IL21R: variants seen among roughly 807,000 people sequenced by gnomAD.
IL21R encodes interleukin 21 receptor.
A neutral mutation model predicts 41.3 loss-of-function variants in IL21R; 14 were observed. That is an observed-to-expected ratio of 0.34 (90% CI 0.22 to 0.53). The LOEUF is 0.53. IL21R is among the 20% of genes least tolerant of loss of function. The pLI is 0.94. For missense variants in IL21R, 588 were observed against 681.6 expected (o/e 0.86, Z 1.53); for synonymous variants, 286 against 287.6 (o/e 0.99, Z 0.05).
In IL21R at chr16:27,437,657, G is replaced by C; in HGVS notation, c.322G>C (p.Glu108Gln). The C allele has an allele frequency of 6.2e-7, 1 of 1,614,168 alleles. No homozygotes were observed. The highest frequency in any genetic ancestry group is 8.5e-7 in the Non-Finnish European group (1 of 1,180,020). Residue 108 changes from glutamate (E) to glutamine (Q), a missense_variant, in exon 4 of 9, where the codon GAG becomes CAG. Coordinates refer to ENST00000337929, the MANE Select transcript of IL21R (RefSeq NM_181078.3). ...AGACCAGTCTGGCAACTACTCCCAGGAGTGTGGCAGCTTTCTCCTGGCTGA... is the reference window on the plus strand; with the variant it reads ...AGACCAGTCTGGCAACTACTCCCAGCAGTGTGGCAGCTTTCTCCTGGCTGA... ...ITDQSGNYSQ[E>Q]CGSFLLAESI... is the part of the protein sequence containing the mutation.
chr16:27,413,637 C>T (rs2086852871), intron 1 of IL21R, among the ~76,000 whole-genome samples: 1 of 144,478 alleles, frequency 6.9e-6, no homozygotes, highest in Non-Finnish European at 1.5e-5. Flanking sequence ...TAGTTTAGGT[C>T]TGCTTAGATT....
chr16:27,435,238 A>C (rs1390898053), intron 3 of IL21R, among the ~76,000 whole-genome samples: 1 of 151,956 alleles, frequency 6.6e-6, no homozygotes, highest in Non-Finnish European at 1.5e-5. Flanking sequence ...CTGGGCAAAA[A>C]AGCAAGATCC....
At chr16:27,437,781 G>T (rs2087299823) in intron 4 of IL21R, 94 bp downstream of exon 4, 3 of 981,416 alleles carry the variant, frequency 3.1e-6, no homozygotes, top group African/African-American at 1.6e-5. Flanking sequence ...TCCCACCTCA[G>T]CCTCCCGTGT....
Position 27,434,447 on chromosome 16 carries a change from C to A in IL21R, c.150C>A (p.Thr50=). 6.2e-7 allele frequency: 1 copy of A among 1,606,808 alleles called. No individual in the cohort carries two copies. The highest frequency in any genetic ancestry group is 8.5e-7 in the Non-Finnish European group (1 of 1,173,576). ...TCCACCCCAGCACGCTCACCCTTAC[C>A]TGGTAAGTAGCCGGGCCTCACCAGT... ...WNLHPSTLTL[T]WQDQYEELKD... Residue 50 remains threonine (T), a splice_region_variant and synonymous_variant, in exon 3 of 9, where the codon ACC becomes ACA. Coordinates refer to ENST00000337929, the MANE Select transcript of IL21R (RefSeq NM_181078.3).
chr16:27,403,026 C>G (rs2086683688), intron 1 of IL21R: 1 of 442,462 alleles, frequency 2.3e-6, no homozygotes, highest in Admixed American at 2.5e-5. Context: ...TATGTCTTAC[C>G]ACCTTGATTC....
intron 1 of IL21R, among the ~76,000 whole-genome samples, chr16:27,420,471 A>G (rs2086981706): frequency 6.6e-6 from 1 of 152,152 alleles, no homozygotes; most frequent in South Asian, 2.1e-4. Flanking sequence ...CCCCTCATTC[A>G]CACTTGTGAT....
chr16:27,437,540 A>G lies in IL21R; in HGVS notation c.205A>G (p.Arg69Gly). ...KDEATSCSLH[R>G]SAHNATHATY... ...CGAGGCCACCTCCTGCAGCCTCCAC[A>G]GGTCGGCCCACAATGCCACGCATGC... Residue 69 changes from arginine (R) to glycine (G), a missense_variant, in exon 4 of 9, where the codon AGG (arginine) becomes GGG (glycine). Coordinates refer to ENST00000337929, the MANE Select transcript of IL21R (RefSeq NM_181078.3). The G allele has an allele frequency of 6.2e-7, 1 of 1,614,190 alleles. No homozygotes were observed.
chr16:27,435,707 G>A (rs1340801140), intron 3 of IL21R, among the ~76,000 whole-genome samples: 1 of 151,972 alleles, frequency 6.6e-6, no homozygotes. Flanking sequence ...GCCCACCTCA[G>A]CCTCCCAAAG....
In IL21R at chr16:27,432,338, T is replaced by A. The variant is rs3093312; in HGVS notation, c.50-2009T>A. ...GGAGGAGAAGCAGTTTTGAGTCACATGTTTGCAGTCACAGAGCTACTTTGT... is the reference window on the plus strand; with the variant it reads ...GGAGGAGAAGCAGTTTTGAGTCACAAGTTTGCAGTCACAGAGCTACTTTGT... On this transcript the variant is annotated intron_variant, in intron 2 of 8. Transcript: ENST00000337929. Among the ~76,000 whole-genome samples, 339 of 152,314 alleles carry A rather than the reference T, an allele frequency of 2.2e-3. 1 individual carries two copies. Among genetic ancestry groups the A allele is most frequent in the African/African-American group, 7.7e-3 (321 of 41,570 alleles).
Position 27,450,517 on chromosome 16 carries a change from C to T in IL21R, c.*1234C>T, listed in dbSNP as rs1468010850. On this transcript the variant is annotated 3_prime_UTR_variant, in exon 9 of 9. Coordinates refer to ENST00000337929, the MANE Select transcript of IL21R (RefSeq NM_181078.3). ...GTCAAGTTGTTTGTCAATGATTTGT[C>T]AGAGAACCTGTTGAAATGTGAATTA... The T allele has an allele frequency of 1.3e-5, 3 of 226,662 alleles. No individual in the cohort carries two copies. The highest frequency in any genetic ancestry group is 2.6e-5 in the Non-Finnish European group (3 of 114,016). The allele number at this position is 226,662 out of a possible 1,614,324, so 14.0% of individuals were successfully genotyped here.
chr16:27,418,138 C>T (rs1245084497), intron 1 of IL21R, among the ~76,000 whole-genome samples: 3 of 151,488 alleles, frequency 2.0e-5, no homozygotes, highest in Non-Finnish European at 4.4e-5. Flanking sequence ...GGCGTGATCT[C>T]GGCTCACTGC....
Position 27,448,920 on chromosome 16 carries a change from C to G in IL21R, c.1254C>G (p.Leu418=). 1 of 1,612,538 alleles carries G rather than the reference C, an allele frequency of 6.2e-7. No homozygotes were observed. The highest frequency in any genetic ancestry group is 8.5e-7 in the Non-Finnish European group (1 of 1,179,472). Residue 418 remains leucine, a synonymous_variant, in exon 9 of 9, where the codon CTC becomes CTG. Transcript: ENST00000337929. ...LEPSPGLEDP[L]LDAGTTVLSC... ...CCAGCCCAGGCCTAGAGGACCCACT[C>G]TTGGATGCAGGGACCACAGTCCTGT... is the stretch of plus-strand genomic sequence containing the variant.
At chr16:27,423,832 T>C (rs1477514445) in intron 1 of IL21R, among the ~76,000 whole-genome samples, 1 of 152,252 alleles carries the variant, frequency 6.6e-6, no homozygotes, top group Non-Finnish European at 1.5e-5. Flanking sequence ...AAGAATTTCT[T>C]TACCAGTTTA....
At chr16:27,441,325 T>A (rs1567370536) in intron 4 of IL21R, among the ~76,000 whole-genome samples, 1 of 152,228 alleles carries the variant, frequency 6.6e-6, no homozygotes, top group Non-Finnish European at 1.5e-5. Flanking sequence ...CTTAACATAT[T>A]GTGTTCTGCT....
At chr16:27,427,210 G>A (rs1392490633) in intron 1 of IL21R, 4 of 833,384 alleles carry the variant, frequency 4.8e-6, no homozygotes, top group Admixed American at 6.2e-5. Flanking sequence ...GCCTGGGTCA[G>A]GAGCCCACTT....
At chr16:27,425,811 C>A (rs1451978333) in intron 1 of IL21R, among the ~76,000 whole-genome samples, 1 of 152,200 alleles carries the variant, frequency 6.6e-6, no homozygotes, top group Non-Finnish European at 1.5e-5. Flanking sequence ...CCACCTCGGC[C>A]TCCCAAAGTG....
At position 27,444,547 on chromosome 16, in the gene IL21R, G is replaced by A. The variant is rs752443447; in HGVS notation, c.513G>A (p.Pro171=). The change falls in exon 6 of 9, where the codon CCG becomes CCA. Residue 171 remains proline, a synonymous_variant. Transcript: ENST00000337929. The stretch of plus-strand genomic sequence containing the variant: ...TCCTTTCCTTGTACTGGCAGAGTCC[G>A]AGGAGAAAGCTGATCTCAGTGGACT... ...RNRGDPWAVS[P]RRKLISVDSR... 1.7e-5 allele frequency: 25 copies of A among 1,506,172 alleles called. No homozygotes were observed. The East Asian group carries it at 3.3e-4, about 20-fold the overall frequency. The allele number at this position is 1,506,172 out of a possible 1,614,324, so 93.3% of individuals were successfully genotyped here.
chr16:27,442,710 G>C, intron 4 of IL21R: 1 of 332,814 alleles, frequency 3.0e-6, no homozygotes, highest in Non-Finnish European at 5.5e-6. Flanking sequence ...ACTCCTCTCT[G>C]TGACCTGCCC....
rs760678190 is a variant in IL21R at position 27,445,211 on chromosome 16, TCTC to T, written c.726_728del (p.Leu244del). On this transcript the variant is annotated inframe_deletion, in exon 7 of 9. Coordinates refer to ENST00000337929, the MANE Select transcript of IL21R (RefSeq NM_181078.3). The stretch of plus-strand genomic sequence containing the variant: ...AAGGCTGGAACCCTCACCTGCTGCT[TCTC>T]CTCCTGCTTGTCATAGTCTTCATTC... The T allele has an allele frequency of 3.1e-6, 5 of 1,614,064 alleles. No individual in the cohort carries two copies. The highest frequency in any genetic ancestry group is 1.7e-5 in the Admixed American group (1 of 60,014).
Sources: allele counts gnomAD v4.1 joint callset (sites outside exome capture counted in the v4.1 genomes callset), GRCh38; gene constraint gnomAD v4.1.1; transcripts MANE v1.5; gene names NCBI Gene and HGNC (gene_info 2026-07-23, HGNC 2026-07-21).